KCNQ3: variants seen among roughly 807,000 people sequenced by gnomAD.
KCNQ3 encodes the protein potassium voltage-gated channel subfamily Q member 3.
Under a neutral mutation model 92.5 loss-of-function variants are expected in KCNQ3, and 30 were observed. The ratio of observed to expected loss-of-function variants is 0.32; its 90% CI spans 0.24 to 0.44. The LOEUF is 0.44. KCNQ3 is among the 20% of genes least tolerant of loss of function. The pLI is 1.00. For synonymous variants in KCNQ3, 450 were observed against 468.8 expected, an observed-to-expected ratio of 0.96 and a Z score of 0.52; for missense variants, 913 against 1,140.3, an observed-to-expected ratio of 0.80 and a Z score of 2.87.
intron 14 of KCNQ3, 64 bp downstream of exon 14, chr8:132,132,116 A>G (rs1431657784): frequency 8.1e-6 from 9 of 1,105,524 alleles, no homozygotes; most frequent in Middle Eastern, 2.0e-4. Flanking sequence ...AAGAAAAAAA[A>G]GAAATGGCAT....
intron 1 of KCNQ3, among the ~76,000 whole-genome samples, chr8:132,354,434 G>A (rs1215570273): frequency 6.6e-6 from 1 of 152,130 alleles, no homozygotes; most frequent in African/African-American, 2.4e-5. Flanking sequence ...GGTAAGAAAG[G>A]AATCAAAACA....
intron 1 of KCNQ3, among the ~76,000 whole-genome samples, chr8:132,271,335 G>T (rs1171860786): frequency 2.6e-5 from 4 of 152,230 alleles, no homozygotes; most frequent in Non-Finnish European, 5.9e-5. Flanking sequence ...AAATGGCCAT[G>T]GGCCAAAATG....
At chr8:132,175,382 TGATGCCC>T in intron 5 of KCNQ3, 64 bp downstream of exon 5, 1 of 1,538,740 alleles carries the variant, frequency 6.5e-7, no homozygotes, top group Non-Finnish European at 9.0e-7. Context: ...CATGCTCATG[TGATGCCC>T]TCCACCTCTC....
intron 1 of KCNQ3, among the ~76,000 whole-genome samples, chr8:132,238,735 T>C (rs764108610): frequency 2.0e-5 from 3 of 152,158 alleles, no homozygotes; most frequent in Non-Finnish European, 4.4e-5. Flanking sequence ...TGATGAATGA[T>C]GGGGTCTCTG....
At chr8:132,460,399 T>C (rs1822034872) in intron 1 of KCNQ3, among the ~76,000 whole-genome samples, 1 of 152,222 alleles carries the variant, frequency 6.6e-6, no homozygotes, top group Non-Finnish European at 1.5e-5. Flanking sequence ...CCATACTACA[T>C]GGATACTCTA....
chr8:132,412,223 G>A (rs1488995339), intron 1 of KCNQ3, among the ~76,000 whole-genome samples: 1 of 152,180 alleles, frequency 6.6e-6, no homozygotes, highest in Non-Finnish European at 1.5e-5. Flanking sequence ...AAGAGCTTGA[G>A]AATCACCAAG....
chr8:132,159,198 T>C (rs1265963894), intron 9 of KCNQ3, among the ~76,000 whole-genome samples: 1 of 152,252 alleles, frequency 6.6e-6, no homozygotes, highest in African/African-American at 2.4e-5. Context: ...GTTCACGTTC[T>C]TTAATGCAAT....
chr8:132,165,398 C>T (rs148222378), intron 8 of KCNQ3, among the ~76,000 whole-genome samples: 13 of 152,296 alleles, frequency 8.5e-5, no homozygotes, highest in African/African-American at 3.1e-4. Context: ...AATGAATGGA[C>T]TAAATGAATA....
chr8:132,386,071 A>T (rs1258318205), intron 1 of KCNQ3, among the ~76,000 whole-genome samples: 1 of 152,082 alleles, frequency 6.6e-6, no homozygotes, highest in Non-Finnish European at 1.5e-5. Flanking sequence ...ACTTTCAGGG[A>T]TTGCTTATGT....
chr8:132,308,817 T>C (rs558515579), intron 1 of KCNQ3, among the ~76,000 whole-genome samples: 7 of 152,348 alleles, frequency 4.6e-5, no homozygotes, highest in African/African-American at 1.7e-4. Flanking sequence ...TTAAGTAAAC[T>C]GCTTGAGCTC....
chr8:132,217,327 C>T (rs1814063500), intron 1 of KCNQ3, among the ~76,000 whole-genome samples: 1 of 152,166 alleles, frequency 6.6e-6, no homozygotes, highest in Non-Finnish European at 1.5e-5. Flanking sequence ...TTACTATGTG[C>T]AATTTACATT....
chr8:132,426,548 C>T (rs1821117139), intron 1 of KCNQ3, among the ~76,000 whole-genome samples: 1 of 152,224 alleles, frequency 6.6e-6, no homozygotes, highest in Non-Finnish European at 1.5e-5. Flanking sequence ...GAAGAATAAA[C>T]TATCGATCTC....
At chr8:132,252,990 C>T (rs1423100953) in intron 1 of KCNQ3, among the ~76,000 whole-genome samples, 3 of 152,216 alleles carry the variant, frequency 2.0e-5, no homozygotes, top group Non-Finnish European at 4.4e-5. Context: ...CAATCCATTT[C>T]ACCACACTCA....
intron 1 of KCNQ3, among the ~76,000 whole-genome samples, chr8:132,326,179 G>A (rs1041975447): frequency 6.6e-6 from 1 of 152,188 alleles, no homozygotes; most frequent in African/African-American, 2.4e-5. Flanking sequence ...ATGGTGGAAG[G>A]AGGAAGTGGC....
At chr8:132,154,819 TG>T (rs1289617910) in intron 9 of KCNQ3, among the ~76,000 whole-genome samples, 4 of 152,330 alleles carry the variant, frequency 2.6e-5, no homozygotes, top group African/African-American at 7.2e-5. Context: ...CTCTTCAAAG[TG>T]CCTGCATGCC....
intron 1 of KCNQ3, among the ~76,000 whole-genome samples, chr8:132,219,271 G>A (rs1378427165): frequency 6.6e-6 from 1 of 152,304 alleles, no homozygotes; most frequent in South Asian, 2.1e-4. Flanking sequence ...GTGATGCCAA[G>A]GCTGTAAGTC....
intron 1 of KCNQ3, among the ~76,000 whole-genome samples, chr8:132,448,993 G>A (rs1030769917): frequency 2.6e-5 from 4 of 152,212 alleles, no homozygotes; most frequent in African/African-American, 9.6e-5. Context: ...ACGGCAGGAA[G>A]AGCACCGGCT....
chr8:132,153,404 T>A (rs1426324383), intron 9 of KCNQ3, among the ~76,000 whole-genome samples: 1 of 152,092 alleles, frequency 6.6e-6, no homozygotes, highest in African/African-American at 2.4e-5. Flanking sequence ...CAGCTTCACT[T>A]TAGTATTCAG....
At chr8:132,348,372 G>T (rs1195996792) in intron 1 of KCNQ3, among the ~76,000 whole-genome samples, 3 of 152,098 alleles carry the variant, frequency 2.0e-5, no homozygotes, top group Admixed American at 2.0e-4. Flanking sequence ...TTTTTCATGG[G>T]TGAAATAAAT....
Sources: gnomAD v4.1 joint callset for allele counts (sites outside exome capture counted in the v4.1 genomes callset) on GRCh38, gnomAD v4.1.1 for gene constraint, MANE v1.5 for transcripts, NCBI Gene and HGNC (gene_info 2026-07-23, HGNC 2026-07-21) for gene names.